Variants in ATRIP observed in about 807,000 individuals in gnomAD.
ATRIP encodes the protein ATR interacting protein.
A neutral mutation model predicts 78.1 loss-of-function variants in ATRIP; 44 were observed. The ratio of observed to expected loss-of-function variants is 0.56; its 90% CI spans 0.44 to 0.72. ATRIP has a LOEUF of 0.72. Among genes scored for constraint, ATRIP ranks in the 30% least tolerant of loss-of-function variants. The probability of loss-of-function intolerance (pLI) is 0.00; values close to 1 mark genes in which losing one functional copy is unlikely to be tolerated. For synonymous variants in ATRIP, 388 were observed against 408.9 expected (o/e 0.95, Z 0.62); for missense variants, 927 against 980.2 (o/e 0.95, Z 0.72).
intron 4 of ATRIP, among the ~76,000 whole-genome samples, chr3:48,456,772 C>G (rs1389393851): frequency 4.0e-5 from 6 of 151,180 alleles, no homozygotes; most frequent in Non-Finnish European, 5.9e-5. Flanking sequence ...AAGACTCTGT[C>G]TCAAAAAAAA....
intron 1 of ATRIP, chr3:48,447,510 G>A (rs2039710548): frequency 1.0e-6 from 1 of 991,866 alleles, no homozygotes; most frequent in Non-Finnish European, 1.2e-6. Flanking sequence ...AGCATGGGAG[G>A]AGCCAGACAC....
At chr3:48,464,185 C>A in intron 10 of ATRIP, 53 bp downstream of exon 10, 1 of 1,419,268 alleles carries the variant, frequency 7.0e-7, no homozygotes, top group Non-Finnish European at 9.9e-7. Flanking sequence ...TCCTAAGAAC[C>A]AACAGAATCT....
chr3:48,464,177 C>A, intron 10 of ATRIP, 45 bp downstream of exon 10: 2 of 1,470,134 alleles, frequency 1.4e-6, no homozygotes, highest in East Asian at 2.3e-5. Flanking sequence ...CCACCCCATC[C>A]TAAGAACCAA....
intron 5 of ATRIP, 26 bp downstream of exon 5, chr3:48,457,442 G>A (rs1354077324): frequency 1.4e-6 from 2 of 1,459,056 alleles, no homozygotes; most frequent in Non-Finnish European, 1.8e-6. Context: ...ATCTATTGAT[G>A]TATAACAAGC....
chr3:48,465,257 A>G (rs2040247272), intron 12 of ATRIP, among the ~76,000 whole-genome samples, 174 bp downstream of exon 12: 1 of 152,162 alleles, frequency 6.6e-6, no homozygotes, highest in South Asian at 2.1e-4. Context: ...GCATATTGGG[A>G]TGCCTTTTGC....
Position 48,464,910 on chromosome 3 carries a change from A to AGCAGAGGCGGACAGTGCGCTGTCTGCG in ATRIP, c.2137_2163dup (p.Gln713_Arg721dup). 9.3e-6 allele frequency: 15 copies of AGCAGAGGCGGACAGTGCGCTGTCTGCG among 1,614,154 alleles called. No homozygotes were observed. Among genetic ancestry groups the AGCAGAGGCGGACAGTGCGCTGTCTGCG allele is most frequent in the Non-Finnish European group, 1.3e-5 (15 of 1,180,028 alleles). On this transcript the variant is annotated inframe_insertion, in exon 12 of 13. Transcript: ENST00000320211. ...GCAGGGGGACCCCCAAGGACCGACCAGCAGAGGCGGACAGTGCGCTGTCTG... is the reference window on the plus strand; with the variant it reads ...GCAGGGGGACCCCCAAGGACCGACCAGCAGAGGCGGACAGTGCGCTGTCTGCGGCAGAGGCGGACAGTGCGCTGTCTG...
Position 48,467,540 on chromosome 3 carries a change from C to T in ATRIP, c.*1986C>T, listed in dbSNP as rs775937744. ...TGCTGGCCCCACTGGGTCTGCTGGC[C>T]ATCCTGACCTTGGCAGTAGCCACAC... On this transcript the variant is annotated 3_prime_UTR_variant, in exon 13 of 13. Transcript: ENST00000320211. 1.4e-5 allele frequency: 22 copies of T among 1,613,784 alleles called. No homozygotes were observed. In the Admixed American group the frequency reaches 3.3e-4, roughly 24 times the overall value.
chr3:48,449,944 GAAAAA>G, intron 1 of ATRIP, 88 bp from the exon 2 acceptor site: 1 of 1,118,994 alleles, frequency 8.9e-7, no homozygotes, highest in Non-Finnish European at 1.2e-6. Context: ...TCTCAAAAAA[GAAAAA>G]AAAAAAAAAA....
chr3:48,459,311 C>A (rs1420425072), intron 5 of ATRIP, 48 bp from the exon 6 acceptor site: 1 of 1,493,968 alleles, frequency 6.7e-7, no homozygotes. Context: ...TTCTAATATG[C>A]CCATGCTTCT....
chr3:48,458,529 C>T (rs1467805619), intron 5 of ATRIP, among the ~76,000 whole-genome samples: 2 of 152,192 alleles, frequency 1.3e-5, no homozygotes, highest in East Asian at 3.9e-4. Flanking sequence ...ACCATGTTGG[C>T]CTGGATGGTC....
rs201740870 is a variant in ATRIP, at chr3:48,464,623, G to A, written c.2016G>A (p.Leu672=). 1.2e-6 allele frequency: 2 copies of A among 1,614,190 alleles called. No homozygotes were observed. The highest frequency in any genetic ancestry group is 4.5e-5 in the East Asian group (2 of 44,886). ...CTAAGCTTGGTGTGCAGAGCCCCTT[G>A]CCCCCAGTCACTGGCTCCAACTGCC... is the stretch of plus-strand genomic sequence containing the variant. The part of the protein sequence containing the change: ...LLAKLGVQSP[L]PPVTGSNCQC... The change falls in exon 11 of 13, where the codon TTG becomes TTA. Residue 672 remains leucine (L), a synonymous_variant. Transcript: ENST00000320211.
At chr3:48,455,000 C>T (rs887564170) in intron 4 of ATRIP, among the ~76,000 whole-genome samples, 3 of 152,020 alleles carry the variant, frequency 2.0e-5, no homozygotes, top group Middle Eastern at 3.4e-3. Flanking sequence ...GTAGCTGGGA[C>T]TACAGGCACA....
chr3:48,465,408 T>C (rs977794304), intron 12 of ATRIP, 79 bp from the exon 13 acceptor site: 8 of 1,411,866 alleles, frequency 5.7e-6, no homozygotes, highest in East Asian at 4.6e-5. Flanking sequence ...CCTGCGGACG[T>C]TGGGGGAGGA....
intron 1 of ATRIP, 93 bp from the exon 2 acceptor site, chr3:48,449,940 AAAAG>A: frequency 7.3e-7 from 1 of 1,378,676 alleles, no homozygotes; most frequent in Non-Finnish European, 9.9e-7. Context: ...CCTATCTCAA[AAAAG>A]AAAAAAAAAA....
At position 48,460,346 on chromosome 3, in the gene ATRIP, G is replaced by A. The variant is rs1173961216; in HGVS notation, c.1292G>A (p.Cys431Tyr). ...PLVQFFIGLH[C>Y]QALQDLAAAK... is the part of the protein sequence containing the mutation. ...GTACAGTTCTTCATCGGCTTACACT[G>A]CCAGGCCCTGCAGGACTTGGCAGCT... is the stretch of plus-strand genomic sequence containing the variant. Residue 431 changes from cysteine to tyrosine, a missense_variant, in exon 8 of 13, where the codon TGC becomes TAC. By Grantham distance (194) the Cys-to-Tyr change is radical. Coordinates refer to ENST00000320211, the MANE Select transcript of ATRIP (RefSeq NM_130384.3). 2 of 1,613,158 alleles carry A rather than the reference G, an allele frequency of 1.2e-6. No individual in the cohort carries two copies. The highest frequency in any genetic ancestry group is 1.7e-6 in the Non-Finnish European group (2 of 1,179,558).
Position 48,464,893 on chromosome 3 carries a change from A to AC in ATRIP, c.2123dup (p.Arg709LysfsTer41). Reference sequence around the variant, plus strand: ...GGCTGACAGTGCGGAGGGCAGGGGGACCCCCAAGGACCGACCAGCAGAGGC... The same window carrying AC: ...GGCTGACAGTGCGGAGGGCAGGGGGACCCCCCAAGGACCGACCAGCAGAGGC... On this transcript the variant is annotated frameshift_variant, in exon 12 of 13. Coordinates refer to ENST00000320211, the MANE Select transcript of ATRIP (RefSeq NM_130384.3). LOFTEE classifies it high-confidence loss of function. 1 of 1,613,640 alleles carries AC rather than the reference A, an allele frequency of 6.2e-7. No individual in the cohort carries two copies. The highest frequency in any genetic ancestry group is 8.5e-7 in the Non-Finnish European group (1 of 1,179,850).
intron 5 of ATRIP, 55 bp from the exon 6 acceptor site, chr3:48,459,304 T>C: frequency 6.9e-7 from 1 of 1,453,236 alleles, no homozygotes; most frequent in South Asian, 1.1e-5. Context: ...TAAAAGTTTC[T>C]AATATGCCCA....
intron 12 of ATRIP, 95 bp downstream of exon 12, chr3:48,465,178 C>T (rs1180705524): frequency 2.0e-6 from 3 of 1,478,246 alleles, no homozygotes; most frequent in Non-Finnish European, 2.8e-6. Flanking sequence ...CAGCAGGCCC[C>T]CGCCCACTGC....
At position 48,466,148 on chromosome 3, in the gene ATRIP, G is replaced by GT; in HGVS notation, c.*595dup. The GT allele has an allele frequency of 2.2e-6, 1 of 458,758 alleles. No homozygotes were observed. The highest frequency in any genetic ancestry group is 4.1e-6 in the Non-Finnish European group (1 of 246,342). 28.4% of individuals were successfully genotyped at this position (458,758 alleles called of 1,614,324 possible). A position where few individuals can be genotyped will look rare whatever the true frequency, so the allele number is the denominator to read the frequency against. ...TGGGTGTGGGGGGGAACGGATGGTGGTGAGAGGGACAGACCAGGCAGGCTG... is the reference window on the plus strand; with the variant it reads ...TGGGTGTGGGGGGGAACGGATGGTGGTTGAGAGGGACAGACCAGGCAGGCTG... On this transcript the variant is annotated 3_prime_UTR_variant, in exon 13 of 13. Transcript: ENST00000320211.
Sources: gnomAD v4.1 joint callset for allele counts (sites outside exome capture counted in the v4.1 genomes callset) on GRCh38, gnomAD v4.1.1 for gene constraint, MANE v1.5 for transcripts, NCBI Gene and HGNC (gene_info 2026-07-23, HGNC 2026-07-21) for gene names.